Variants in SPTBN4 observed in about 807,000 individuals in gnomAD.
The protein encoded by SPTBN4 is spectrin beta, non-erythrocytic 4.
SPTBN4 carries 96 observed loss-of-function variants against 277.8 expected under a neutral mutation model. The observed-to-expected ratio is 0.35, with a 90% confidence interval of 0.29 to 0.41. The LOEUF is 0.41. Ranked by LOEUF, SPTBN4 falls within the 10% of genes least tolerant of loss-of-function variation. SPTBN4 has a pLI of 1.00. For missense variants in SPTBN4, 3,006 were observed against 3,595.7 expected, an observed-to-expected ratio of 0.84 and a Z score of 4.19; for synonymous variants, 1,481 against 1,580.3, an observed-to-expected ratio of 0.94 and a Z score of 1.49.
intron 20 of SPTBN4, among the ~76,000 whole-genome samples, chr19:40,546,375 CT>C (rs1568367763): frequency 6.6e-6 from 1 of 152,162 alleles, no homozygotes; most frequent in East Asian, 1.9e-4. Flanking sequence ...GCCCATTTCT[CT>C]TTTTGGGCAG....
intron 13 of SPTBN4, among the ~76,000 whole-genome samples, chr19:40,512,128 CACAA>C (rs2080397960): frequency 1.3e-5 from 2 of 152,136 alleles, no homozygotes; most frequent in Admixed American, 6.5e-5. Flanking sequence ...GTCTCAAACA[CACAA>C]ACAAACAAAA....
chr19:40,497,645 G>A, intron 7 of SPTBN4, 41 bp downstream of exon 7: 1 of 1,525,610 alleles, frequency 6.6e-7, no homozygotes, highest in South Asian at 1.1e-5. Flanking sequence ...CGTCTTGGGG[G>A]ACTCCCAACC....
At chr19:40,537,767 CAT>C (rs1310768515) in intron 20 of SPTBN4, among the ~76,000 whole-genome samples, 1 of 151,842 alleles carries the variant, frequency 6.6e-6, no homozygotes, top group Non-Finnish European at 1.5e-5. Flanking sequence ...AGGACTCTAT[CAT>C]CAGTGCAGGT....
rs956648704 is a variant in SPTBN4, at chr19:40,570,603, G to A, written c.7194G>A (p.Ser2398=). 3 of 1,385,590 alleles carry A rather than the reference G, an allele frequency of 2.2e-6. No homozygotes were observed. Among genetic ancestry groups the A allele is most frequent in the Non-Finnish European group, 2.8e-6 (3 of 1,069,532 alleles). The allele number at this position is 1,385,590 out of a possible 1,614,324, so 85.8% of individuals were successfully genotyped here. The change falls in exon 33 of 36, where the codon TCG becomes TCA. Residue 2398 remains serine, a synonymous_variant. Transcript: ENST00000598249. ...EGGEGGGSRR[S]RSAPAQGGSA... is the part of the protein sequence containing the mutation. ...GTGAGGGCGGGGGAAGCCGGCGCTC[G>A]CGCTCCGCCCCGGCCCAGGGCGGCT...
rs539305604 is a variant in SPTBN4, at chr19:40,538,321, G to A, written c.4359+3978G>A. On this transcript the variant is annotated intron_variant, in intron 20 of 35. Transcript: ENST00000598249. ...TGAGAATCGCTTGAACTTGAGAGGC[G>A]GAGGTTGCAGTGAGGCAAGATTGCA... Among the ~76,000 whole-genome samples the A allele has an allele frequency of 1.9e-3, 264 of 140,280 alleles. 1 individual carries two copies. The highest frequency in any genetic ancestry group is 6.8e-3 in the African/African-American group (251 of 37,092). 92.0% of individuals were successfully genotyped at this position (140,280 alleles called of 152,430 possible). A position where few individuals can be genotyped will look rare whatever the true frequency, so the allele number is the denominator to read the frequency against.
chr19:40,512,985 C>T lies in SPTBN4; in HGVS notation c.2196C>T (p.Val732=), dbSNP rs1035558894. Residue 732 remains valine, a synonymous_variant, in exon 14 of 36, where the codon GTC becomes GTT. Coordinates refer to ENST00000598249, the MANE Select transcript of SPTBN4 (RefSeq NM_020971.3). Reference sequence around the variant, plus strand: ...AGCTGGTTGCGGCCGGCGGTGCCGTCGGCCCGGGAGCAGACACCGTGCACC... The same window carrying T: ...AGCTGGTTGCGGCCGGCGGTGCCGTTGGCCCGGGAGCAGACACCGTGCACC... The part of the protein sequence containing the change: ...GEELVAAGGA[V]GPGADTVHLV... 2.8e-6 allele frequency: 4 copies of T among 1,413,694 alleles called. No individual in the cohort carries two copies. The highest frequency in any genetic ancestry group is 6.8e-5 in the Admixed American group (2 of 29,602). 87.6% of individuals were successfully genotyped at this position (1,413,694 alleles called of 1,614,324 possible).
At chr19:40,489,528 G>A (rs984355523) in intron 3 of SPTBN4, among the ~76,000 whole-genome samples, 3 of 152,062 alleles carry the variant, frequency 2.0e-5, no homozygotes, top group African/African-American at 7.2e-5. Flanking sequence ...CTAGGATTGC[G>A]GGAGCGCGCT....
intron 18 of SPTBN4, chr19:40,530,995 G>A (rs1234060287): frequency 6.6e-6 from 1 of 151,648 alleles, no homozygotes; most frequent in East Asian, 1.9e-4. Context: ...CTTGTTTTGG[G>A]AGGATCTGTA....
intron 15 of SPTBN4, among the ~76,000 whole-genome samples, chr19:40,516,260 C>T (rs1198225647): frequency 2.0e-5 from 3 of 150,376 alleles, no homozygotes; most frequent in Non-Finnish European, 4.4e-5. Context: ...AAAAAAATTC[C>T]CAATATCCCA....
At chr19:40,570,019 T>TACAC (rs200635812) in intron 32 of SPTBN4, among the ~76,000 whole-genome samples, 212 of 113,450 alleles carry the variant, frequency 1.9e-3, no homozygotes, top group Non-Finnish European at 2.7e-3. Flanking sequence ...CAGACACAGA[T>TACAC]ACACACACAG....
chr19:40,522,718 C>T (rs928944150), intron 16 of SPTBN4, among the ~76,000 whole-genome samples: 9 of 152,098 alleles, frequency 5.9e-5, no homozygotes, highest in Non-Finnish European at 1.0e-4. Context: ...CTGAGCACAC[C>T]TCAGGCAACA....
At chr19:40,497,439 G>T (rs1038514037) in intron 6 of SPTBN4, 50 bp from the exon 7 acceptor site, 1 of 1,434,792 alleles carries the variant, frequency 7.0e-7, no homozygotes, top group African/African-American at 1.4e-5. Context: ...CTGCTTGCCC[G>T]CCGGCTCTGG....
intron 18 of SPTBN4, among the ~76,000 whole-genome samples, chr19:40,530,070 C>G (rs1463317377): frequency 4.6e-5 from 7 of 152,176 alleles, no homozygotes; most frequent in Non-Finnish European, 1.0e-4. Flanking sequence ...CCCTGTTCCC[C>G]CTCGCCCCCA....
rs542041009 is a variant in SPTBN4, at chr19:40,552,774, C to T, written c.4675-1373C>T. Among the ~76,000 whole-genome samples, 28 of 152,152 alleles carry T rather than the reference C, an allele frequency of 1.8e-4. No homozygotes were observed. The South Asian group carries it at 3.5e-3, about 19-fold the overall frequency. ...TACTCTTGGCTGTCAACAGTGTGGG[C>T]GACAGAACTGGCTTATCGTTGTCAT... On this transcript the variant is annotated intron_variant, in intron 22 of 35. Transcript: ENST00000598249.
At position 40,490,216 on chromosome 19, in the gene SPTBN4, G is replaced by A; in HGVS notation, c.463G>A (p.Gly155Arg). ...IVDGNHRLTL[G>R]LVWTIILRFQ... ...GGATGGGAATCACCGGCTGACGCTGGGGCTGGTCTGGACCATCATCCTGCG... is the reference window on the plus strand; with the variant it reads ...GGATGGGAATCACCGGCTGACGCTGAGGCTGGTCTGGACCATCATCCTGCG... Residue 155 changes from glycine to arginine, a missense_variant, in exon 4 of 36, where the codon GGG (glycine) becomes AGG (arginine). By Grantham distance (125) the Gly-to-Arg change is moderately radical (BLOSUM62 -2). Coordinates refer to ENST00000598249, the MANE Select transcript of SPTBN4 (RefSeq NM_020971.3). The surrounding 1 kb of genome is among the most constrained non-coding windows in gnomAD (Gnocchi z 4.3). 6.2e-7 allele frequency: 1 copy of A among 1,614,140 alleles called. No individual in the cohort carries two copies. The highest frequency in any genetic ancestry group is 8.5e-7 in the Non-Finnish European group (1 of 1,180,006).
chr19:40,532,526 C>A, intron 18 of SPTBN4, 99 bp from the exon 19 acceptor site: 1 of 1,469,206 alleles, frequency 6.8e-7, no homozygotes, highest in East Asian at 2.4e-5. Flanking sequence ...ACCCATACAC[C>A]CTAGCAGCCC....
At chr19:40,510,326 A>G (rs904319706) in intron 13 of SPTBN4, among the ~76,000 whole-genome samples, 3 of 151,656 alleles carry the variant, frequency 2.0e-5, no homozygotes, top group African/African-American at 7.3e-5. Context: ...GTTTTCTAAG[A>G]CAGAGTCTCA....
At chr19:40,525,320 CTT>C (rs34066431) in intron 17 of SPTBN4, among the ~76,000 whole-genome samples, 17,135 of 130,414 alleles carry the variant, frequency 0.13, 1,071 homozygotes, top group Non-Finnish European at 0.16. Context: ...CTTTGTTCCA[CTT>C]TTTTTTTTTT....
Position 40,569,726 on chromosome 19 carries a change from G to C in SPTBN4, c.7026G>C (p.Gly2342=). 3 of 1,610,142 alleles carry C rather than the reference G, an allele frequency of 1.9e-6. No homozygotes were observed. The South Asian group carries it at 3.3e-5, about 18-fold the overall frequency. Residue 2342 remains glycine, a splice_region_variant and synonymous_variant, in exon 32 of 36, where the codon GGG becomes GGC. Transcript: ENST00000598249. ...EKEAGPGLPA[G]PSLPQPRELP... is the part of the protein sequence containing the mutation. ...AGGCAGGCCCAGGGCTGCCTGCTGGGGTAAGTTGAGCCTCGGATGGGTGGG... is the reference window on the plus strand; with the variant it reads ...AGGCAGGCCCAGGGCTGCCTGCTGGCGTAAGTTGAGCCTCGGATGGGTGGG...
Sources: gnomAD v4.1 joint callset for allele counts (sites outside exome capture counted in the v4.1 genomes callset) on GRCh38, gnomAD v4.1.1 for gene constraint, Gnocchi (gnomAD v3.1) non-coding constraint, MANE v1.5 for transcripts, NCBI Gene and HGNC (gene_info 2026-07-23, HGNC 2026-07-21) for gene names.